The following CDH18 variants were observed in gnomAD, a reference collection of about 807,000 sequenced individuals.
CDH18 encodes cadherin 18, also known as cadherin-18.
CDH18 carries 31 observed loss-of-function variants against 67.9 expected under a neutral mutation model. The observed-to-expected ratio is 0.46, with a 90% CI of 0.34 to 0.62. The LOEUF (loss-of-function observed/expected upper bound fraction) is 0.62. CDH18 is among the 20% of genes least tolerant of loss of function. The pLI is 0.01. For missense variants in CDH18, 890 were observed against 975.5 expected, an observed-to-expected ratio of 0.91 and a Z score of 1.17; for synonymous variants, 362 against 347.2, an observed-to-expected ratio of 1.04 and a Z score of -0.48.
chr5:19,797,377 G>C (rs552802055), intron 3 of CDH18, among the ~76,000 whole-genome samples: 46 of 151,910 alleles, frequency 3.0e-4, no homozygotes, highest in Admixed American at 7.9e-4. Flanking sequence ...GATCATAAAG[G>C]TCAGAATAAA....
At chr5:19,885,107 T>G (rs4461636) in intron 2 of CDH18, among the ~76,000 whole-genome samples, 136,829 of 152,130 alleles carry the variant, frequency 0.9, 61,630 homozygotes, top group Non-Finnish European at 0.92. Flanking sequence ...GGCGAAAAAT[T>G]ATTTCAAAAT....
At chr5:20,070,690 A>G (rs1437274416) in intron 2 of CDH18, among the ~76,000 whole-genome samples, 1 of 152,228 alleles carries the variant, frequency 6.6e-6, no homozygotes, top group Non-Finnish European at 1.5e-5. Flanking sequence ...ATTCAGCAGA[A>G]TGAATAATTT....
chr5:19,536,061 T>C (rs1239741904), intron 9 of CDH18, among the ~76,000 whole-genome samples: 2 of 152,186 alleles, frequency 1.3e-5, no homozygotes, highest in Non-Finnish European at 2.9e-5. Flanking sequence ...ATTATATTTA[T>C]GTATTTAACA....
At chr5:20,180,740 C>A (rs188993216) in intron 2 of CDH18, among the ~76,000 whole-genome samples, 18 of 152,176 alleles carry the variant, frequency 1.2e-4, no homozygotes, top group African/African-American at 4.3e-4. Flanking sequence ...AGGCAGTGAC[C>A]CCCCTGGACC....
chr5:19,854,236 T>TA (rs1223464800), intron 2 of CDH18, among the ~76,000 whole-genome samples: 1 of 152,058 alleles, frequency 6.6e-6, no homozygotes, highest in Non-Finnish European at 1.5e-5. Flanking sequence ...CAACAGATTA[T>TA]AAAAAATCTA....
intron 8 of CDH18, among the ~76,000 whole-genome samples, chr5:19,556,590 T>A (rs1389377289): frequency 6.6e-6 from 1 of 151,830 alleles, no homozygotes; most frequent in Non-Finnish European, 1.5e-5. Context: ...AAAAAAAATT[T>A]AAAAAACGAG....
chr5:19,797,998 G>A (rs763400662), intron 3 of CDH18, among the ~76,000 whole-genome samples: 4 of 151,992 alleles, frequency 2.6e-5, no homozygotes, highest in African/African-American at 4.8e-5. Context: ...CAGGATAGAT[G>A]ACCCAAAATA....
intron 3 of CDH18, among the ~76,000 whole-genome samples, chr5:19,826,601 T>C (rs1032702061): frequency 6.6e-6 from 1 of 152,094 alleles, no homozygotes; most frequent in Non-Finnish European, 1.5e-5. Context: ...AGAAAAGAAG[T>C]TACAACCAAG....
intron 10 of CDH18, among the ~76,000 whole-genome samples, chr5:19,507,219 C>T (rs1302915979): frequency 6.6e-6 from 1 of 152,134 alleles, no homozygotes; most frequent in African/African-American, 2.4e-5. Context: ...CATCTCACCC[C>T]AGTTAGAATG....
intron 2 of CDH18, among the ~76,000 whole-genome samples, chr5:19,839,527 T>C (rs181604377): frequency 6.6e-6 from 1 of 152,312 alleles, no homozygotes; most frequent in African/African-American, 2.4e-5. Context: ...TTACCTACTG[T>C]ATAAGACTCA....
chr5:20,305,496 G>C, intron 1 of CDH18: 2 of 1,171,314 alleles, frequency 1.7e-6, no homozygotes, highest in Non-Finnish European at 2.6e-6. Flanking sequence ...TGGGTCTTGG[G>C]TGCCGCGAAA....
chr5:20,305,641 C>T, intron 1 of CDH18: 1 of 449,738 alleles, frequency 2.2e-6, no homozygotes. Context: ...AACGCCATGT[C>T]CGGGGGGTGG....
At chr5:20,284,479 T>A (rs1317673323) in intron 1 of CDH18, among the ~76,000 whole-genome samples, 2 of 152,036 alleles carry the variant, frequency 1.3e-5, no homozygotes, top group Non-Finnish European at 1.5e-5. Context: ...TTAATCTACA[T>A]GCCTACCATA....
chr5:19,804,727 G>A (rs1211269433), intron 3 of CDH18, among the ~76,000 whole-genome samples: 5 of 152,074 alleles, frequency 3.3e-5, no homozygotes, highest in Non-Finnish European at 7.4e-5. Context: ...CACATGCCCT[G>A]GATTATTAAT....
chr5:20,232,829 A>C (rs989631154), intron 2 of CDH18, among the ~76,000 whole-genome samples: 3 of 152,090 alleles, frequency 2.0e-5, no homozygotes, highest in African/African-American at 7.2e-5. Context: ...GACAAACAAA[A>C]GGCTTTGGCT....
chr5:19,492,517 A>C (rs182643045), intron 11 of CDH18, among the ~76,000 whole-genome samples: 134 of 152,276 alleles, frequency 8.8e-4, no homozygotes, highest in Admixed American at 1.9e-3. Flanking sequence ...TAAAATTAAA[A>C]GTTGACATCA....
At chr5:20,206,190 A>G (rs1739871866) in intron 2 of CDH18, among the ~76,000 whole-genome samples, 1 of 151,884 alleles carries the variant, frequency 6.6e-6, no homozygotes, top group African/African-American at 2.4e-5. Flanking sequence ...AAAAATCATT[A>G]GACACTATTG....
At chr5:19,602,133 C>G (rs769529758) in intron 6 of CDH18, among the ~76,000 whole-genome samples, 23 of 152,040 alleles carry the variant, frequency 1.5e-4, no homozygotes, top group Non-Finnish European at 3.1e-4. Flanking sequence ...TAAAAGCATC[C>G]AAATTGGGAA....
intron 5 of CDH18, among the ~76,000 whole-genome samples, chr5:19,649,430 A>AT (rs1051592937): frequency 7.9e-5 from 12 of 151,966 alleles, no homozygotes; most frequent in South Asian, 4.1e-4. Flanking sequence ...TATTTGGAAG[A>AT]TTTTTTCTAC....
Sources: gnomAD v4.1 joint callset for allele counts (sites outside exome capture counted in the v4.1 genomes callset) on GRCh38, gnomAD v4.1.1 for gene constraint, MANE v1.5 for transcripts, NCBI Gene and HGNC (gene_info 2026-07-23, HGNC 2026-07-21) for gene names.